The following ST6GALNAC3 variants were observed in gnomAD, a reference collection of about 807,000 sequenced individuals.
ST6GALNAC3 encodes the protein ST6 N-acetylgalactosaminide alpha-2,6-sialyltransferase 3, also known as alpha-N-acetylgalactosaminide alpha-2,6-sialyltransferase 3.
A neutral mutation model predicts 32.7 loss-of-function variants in ST6GALNAC3; 25 were observed. The observed-to-expected ratio is 0.76, with a 90% confidence interval of 0.56 to 1.07. ST6GALNAC3 has a LOEUF of 1.07. Among genes scored for constraint, ST6GALNAC3 ranks in the 50% least tolerant of loss-of-function variants. The pLI is 0.00. For synonymous variants in ST6GALNAC3, 129 were observed against 133.1 expected (o/e 0.97, Z 0.21); for missense variants, 355 against 382.4 (o/e 0.93, Z 0.60).
At chr1:76,576,013 C>A (rs1435230458) in intron 3 of ST6GALNAC3, among the ~76,000 whole-genome samples, 3 of 151,752 alleles carry the variant, frequency 2.0e-5, no homozygotes, top group African/African-American at 7.3e-5. Flanking sequence ...GAACACGGCA[C>A]CCCATATATC....
chr1:76,305,820 C>A, intron 1 of ST6GALNAC3: 4 of 472,680 alleles, frequency 8.5e-6, no homozygotes, highest in Non-Finnish European at 1.7e-5. Flanking sequence ...GTTTTCCAGA[C>A]AAAGAAATAG....
At chr1:76,606,122 T>G (rs979770521) in intron 3 of ST6GALNAC3, among the ~76,000 whole-genome samples, 1 of 152,100 alleles carries the variant, frequency 6.6e-6, no homozygotes, top group African/African-American at 2.4e-5. Flanking sequence ...TTGTTGGGAA[T>G]GTAACTTAGT....
intron 1 of ST6GALNAC3, among the ~76,000 whole-genome samples, chr1:76,215,183 T>G (rs1365951604): frequency 2.0e-5 from 3 of 152,082 alleles, no homozygotes; most frequent in Non-Finnish European, 4.4e-5. Context: ...GGGACCTTAG[T>G]AGACAAAAAG....
intron 1 of ST6GALNAC3, among the ~76,000 whole-genome samples, chr1:76,300,859 C>T (rs1215747760): frequency 2.6e-5 from 4 of 151,666 alleles, no homozygotes; most frequent in Non-Finnish European, 4.4e-5. Context: ...AGGGGCAGGA[C>T]GGTTTCACAG....
At chr1:76,350,331 A>T (rs1648873125) in intron 2 of ST6GALNAC3, among the ~76,000 whole-genome samples, 1 of 152,154 alleles carries the variant, frequency 6.6e-6, no homozygotes, top group Non-Finnish European at 1.5e-5. Flanking sequence ...CTAGCACAAA[A>T]TCCAAATTTT....
chr1:76,384,402 A>G (rs1651941439), intron 2 of ST6GALNAC3, among the ~76,000 whole-genome samples: 1 of 152,172 alleles, frequency 6.6e-6, no homozygotes, highest in African/African-American at 2.4e-5. Flanking sequence ...AACTAACGAA[A>G]CTAAGAAGAG....
At chr1:76,335,016 AAT>A (rs927844654) in intron 2 of ST6GALNAC3, among the ~76,000 whole-genome samples, 11 of 152,218 alleles carry the variant, frequency 7.2e-5, no homozygotes, top group African/African-American at 2.7e-4. Flanking sequence ...CCCTGAGATA[AAT>A]ATGAGCTGTA....
chr1:76,476,506 A>T (rs1468708145), intron 3 of ST6GALNAC3, among the ~76,000 whole-genome samples: 1 of 152,190 alleles, frequency 6.6e-6, no homozygotes, highest in African/African-American at 2.4e-5. Flanking sequence ...CATTTAAGTG[A>T]TTCTTTTTCT....
chr1:76,074,944 C>CACGG lies in ST6GALNAC3; in HGVS notation c.18+62_18+65dup, dbSNP rs759556876. The CACGG allele has an allele frequency of 5.1e-6, 8 of 1,562,540 alleles. No homozygotes were observed. In the South Asian group the frequency reaches 9.4e-5, roughly 18 times the overall value. On this transcript the variant is annotated intron_variant, in intron 1 of 4. Coordinates refer to ENST00000328299, the MANE Select transcript of ST6GALNAC3 (RefSeq NM_152996.4). Reference sequence around the variant, plus strand: ...TGGCCAGCCCCTTGCTGCTCAGAGGCACGGAGTCAGCCGCGGTCCCACCGC... The same window carrying CACGG: ...TGGCCAGCCCCTTGCTGCTCAGAGGCACGGACGGAGTCAGCCGCGGTCCCACCGC...
chr1:76,116,403 C>T (rs546188219), intron 1 of ST6GALNAC3, among the ~76,000 whole-genome samples: 6 of 152,158 alleles, frequency 3.9e-5, no homozygotes, highest in South Asian at 2.1e-4. Flanking sequence ...AGCTCCCTTC[C>T]GCATTCTGGA....
At chr1:76,127,558 A>G (rs1177226783) in intron 1 of ST6GALNAC3, among the ~76,000 whole-genome samples, 4 of 152,230 alleles carry the variant, frequency 2.6e-5, no homozygotes, top group Non-Finnish European at 4.4e-5. Context: ...ATAAACATTT[A>G]TTATGTGCTT....
chr1:76,360,609 A>G (rs1003958660), intron 2 of ST6GALNAC3, among the ~76,000 whole-genome samples: 12 of 152,312 alleles, frequency 7.9e-5, no homozygotes, highest in Middle Eastern at 6.8e-3. Flanking sequence ...TGTTGAGATA[A>G]AATATTTCTG....
At chr1:76,406,890 T>C (rs1653873511) in intron 2 of ST6GALNAC3, among the ~76,000 whole-genome samples, 1 of 152,000 alleles carries the variant, frequency 6.6e-6, no homozygotes, top group South Asian at 2.1e-4. Context: ...TTAAGGTAAC[T>C]TGAAAAATCT....
chr1:76,211,765 TCA>T (rs1264996229), intron 1 of ST6GALNAC3, among the ~76,000 whole-genome samples: 1 of 151,180 alleles, frequency 6.6e-6, no homozygotes, highest in Non-Finnish European at 1.5e-5. Context: ...AAGGGGAACA[TCA>T]CACACCGGGG....
chr1:76,523,578 G>A (rs577499033), intron 3 of ST6GALNAC3, among the ~76,000 whole-genome samples: 89 of 152,240 alleles, frequency 5.8e-4, no homozygotes, highest in African/African-American at 2.1e-3. Flanking sequence ...TTAAGATTCA[G>A]TCTATCTTTG....
intron 3 of ST6GALNAC3, among the ~76,000 whole-genome samples, chr1:76,529,139 T>C (rs1001920728): frequency 6.6e-6 from 1 of 152,092 alleles, no homozygotes; most frequent in Admixed American, 6.6e-5. Context: ...ATAATTGTTA[T>C]ATGAATATTG....
chr1:76,327,275 CGTGTGTGTGTGTGTGT>C (rs3079480), intron 2 of ST6GALNAC3, among the ~76,000 whole-genome samples: 17 of 138,758 alleles, frequency 1.2e-4, no homozygotes, highest in African/African-American at 2.6e-4. Context: ...TGTATATATG[CGTGTGTGTGTGTGTGT>C]GTGTGTGTGT....
rs570021616 is a variant in ST6GALNAC3, at chr1:76,452,650, C to G, written c.623+40233C>G. Among the ~76,000 whole-genome samples, 14 of 152,270 alleles carry G rather than the reference C, an allele frequency of 9.2e-5. No homozygotes were observed. The South Asian group carries it at 1.4e-3, about 16-fold the overall frequency. On this transcript the variant is annotated intron_variant, in intron 3 of 4. Coordinates refer to ENST00000328299, the MANE Select transcript of ST6GALNAC3 (RefSeq NM_152996.4). ...AACCCACTTGATCATGGTGGATTAT[C>G]TTTTTGATACACTGTTGGATTCAGT...
intron 1 of ST6GALNAC3, among the ~76,000 whole-genome samples, chr1:76,290,770 G>T (rs4290110): frequency 0.31 from 47,549 of 151,850 alleles, 8,484 homozygotes; most frequent in Non-Finnish European, 0.41. Flanking sequence ...ACATCCCTGG[G>T]GTGGCCCTAC....
Sources: gnomAD v4.1 joint callset for allele counts (sites outside exome capture counted in the v4.1 genomes callset) on GRCh38, gnomAD v4.1.1 for gene constraint, MANE v1.5 for transcripts, NCBI Gene and HGNC (gene_info 2026-07-23, HGNC 2026-07-21) for gene names.